Variants in CTNNA3 observed in about 807,000 individuals in gnomAD.
CTNNA3 encodes catenin alpha-3.
In CTNNA3, 76 loss-of-function variants were observed where a neutral mutation model predicts 95.7. The observed-to-expected ratio is 0.79, with a 90% confidence interval of 0.66 to 0.96. The LOEUF (loss-of-function observed/expected upper bound fraction) is 0.96, where lower values mean the gene tolerates loss of function less well. Ranked by LOEUF, CTNNA3 falls within the 40% of genes least tolerant of loss-of-function variation. The pLI is 0.00. For synonymous variants in CTNNA3, 431 were observed against 374.4 expected (o/e 1.15, Z -1.74); for missense variants, 1,191 against 1,089.8 (o/e 1.09, Z -1.31).
chr10:66,167,087 C>G (rs1183525153), intron 13 of CTNNA3, among the ~76,000 whole-genome samples: 1 of 151,988 alleles, frequency 6.6e-6, no homozygotes, highest in Non-Finnish European at 1.5e-5. Context: ...ATGCAATATG[C>G]CTTTCACAAA....
chr10:67,390,053 A>C (rs1027462120), intron 5 of CTNNA3, among the ~76,000 whole-genome samples: 1 of 152,184 alleles, frequency 6.6e-6, no homozygotes, highest in Admixed American at 6.5e-5. Flanking sequence ...AGAAATAACT[A>C]AAATCAGAGC....
At chr10:65,937,963 C>G in intron 17 of CTNNA3, among the ~76,000 whole-genome samples, 1 of 151,870 alleles carries the variant, frequency 6.6e-6, no homozygotes, top group Non-Finnish European at 1.5e-5. Context: ...TGTCCTATAT[C>G]CAAAAAAACT....
intron 5 of CTNNA3, among the ~76,000 whole-genome samples, chr10:67,358,779 G>A (rs1842902460): frequency 6.6e-6 from 1 of 152,200 alleles, no homozygotes; most frequent in Middle Eastern, 3.4e-3. Flanking sequence ...TCCCCCAAAA[G>A]AGAAGGAGGT....
At chr10:66,936,791 T>TA (rs1334165664) in intron 7 of CTNNA3, among the ~76,000 whole-genome samples, 3 of 152,150 alleles carry the variant, frequency 2.0e-5, no homozygotes, top group Admixed American at 6.6e-5. Context: ...CTTGGTTTCT[T>TA]ATGCGTTATC....
intron 7 of CTNNA3, among the ~76,000 whole-genome samples, chr10:67,107,938 T>G (rs1276035926): frequency 2.0e-5 from 3 of 152,214 alleles, no homozygotes; most frequent in African/African-American, 7.2e-5. Context: ...GGAGAGTCCC[T>G]GTTTCCCCCT....
rs1841614350 is a variant in CTNNA3 at position 66,535,323 on chromosome 10, G to A, written c.1375-14550C>T. On this transcript the variant is annotated intron_variant, in intron 10 of 17. Coordinates refer to ENST00000433211, the MANE Select transcript of CTNNA3 (RefSeq NM_013266.4). ...AGTGTTATTTATTTTGTTCAGGGCA[G>A]GTTGAGCTGTAACATGCCGTGTAAG... Among the ~76,000 whole-genome samples the A allele has an allele frequency of 2.0e-5, 3 of 152,288 alleles. No homozygotes were observed. In the South Asian group the frequency reaches 6.2e-4, roughly 32 times the overall value.
chr10:67,093,247 C>T (rs1857762903), intron 7 of CTNNA3, among the ~76,000 whole-genome samples: 1 of 151,818 alleles, frequency 6.6e-6, no homozygotes, highest in Admixed American at 6.6e-5. Context: ...CTTCCCTGAG[C>T]CTATTCCAAC....
intron 7 of CTNNA3, among the ~76,000 whole-genome samples, chr10:67,050,458 T>G (rs1855016984): frequency 6.6e-6 from 1 of 152,182 alleles, no homozygotes. Flanking sequence ...AAAAAAAAAG[T>G]ACCCATTCAG....
intron 6 of CTNNA3, among the ~76,000 whole-genome samples, chr10:67,207,761 A>T (rs76462591): frequency 0.03 from 4,621 of 152,290 alleles, 234 homozygotes; most frequent in African/African-American, 0.11. Context: ...AGTCTAACTG[A>T]AAAATATACA....
chr10:66,551,263 T>C (rs1842207116), intron 10 of CTNNA3, among the ~76,000 whole-genome samples: 1 of 152,162 alleles, frequency 6.6e-6, no homozygotes, highest in Non-Finnish European at 1.5e-5. Flanking sequence ...AGTTCTATTC[T>C]TTAAAATGTT....
intron 12 of CTNNA3, among the ~76,000 whole-genome samples, chr10:66,313,861 G>GGT (rs2092060734): frequency 6.6e-6 from 1 of 152,098 alleles, no homozygotes; most frequent in Non-Finnish European, 1.5e-5. Flanking sequence ...CTACAAGAAG[G>GGT]CAAATGGGTC....
At chr10:67,242,560 G>A (rs539206266) in intron 5 of CTNNA3, among the ~76,000 whole-genome samples, 14 of 152,278 alleles carry the variant, frequency 9.2e-5, no homozygotes, top group African/African-American at 2.2e-4. Flanking sequence ...TATCTGCCCC[G>A]ATTTAAACAC....
intron 7 of CTNNA3, chr10:66,837,575 T>C (rs138814045): frequency 3.3e-5 from 5 of 152,248 alleles, no homozygotes; most frequent in African/African-American, 9.6e-5. Context: ...GCATTTCCTA[T>C]TCAATTTTGG....
intron 5 of CTNNA3, among the ~76,000 whole-genome samples, chr10:67,474,876 T>A (rs897177342): frequency 6.6e-6 from 1 of 152,226 alleles, no homozygotes; most frequent in African/African-American, 2.4e-5. Context: ...CAATTTCTTA[T>A]AAAGTTAATT....
intron 10 of CTNNA3, among the ~76,000 whole-genome samples, chr10:66,609,672 A>G (rs1013183069): frequency 4.6e-5 from 7 of 152,096 alleles, no homozygotes; most frequent in Admixed American, 3.3e-4. Context: ...TATTTCAACC[A>G]TGTGGAAAAC....
chr10:66,100,526 G>A (rs1401301873), intron 14 of CTNNA3, among the ~76,000 whole-genome samples: 1 of 152,168 alleles, frequency 6.6e-6, no homozygotes, highest in East Asian at 1.9e-4. Flanking sequence ...ACAGTGGTGA[G>A]GTTTTCACCC....
At chr10:66,456,675 C>G (rs962056879) in intron 11 of CTNNA3, among the ~76,000 whole-genome samples, 6 of 151,822 alleles carry the variant, frequency 4.0e-5, no homozygotes, top group Non-Finnish European at 8.8e-5. Flanking sequence ...GACTCCATCT[C>G]AAAAAACAAA....
intron 15 of CTNNA3, among the ~76,000 whole-genome samples, chr10:66,033,780 G>C: frequency 6.6e-6 from 1 of 152,138 alleles, no homozygotes; most frequent in East Asian, 1.9e-4. Flanking sequence ...GACCCAACCA[G>C]ATGACATTTT....
intron 13 of CTNNA3, among the ~76,000 whole-genome samples, chr10:66,194,180 C>A (rs7904019): frequency 0.14 from 21,506 of 152,020 alleles, 2,497 homozygotes; most frequent in African/African-American, 0.32. Flanking sequence ...TAAAACAGCA[C>A]AAAAATAGCA....
Sources: gnomAD v4.1 joint callset for allele counts (sites outside exome capture counted in the v4.1 genomes callset) on GRCh38, gnomAD v4.1.1 for gene constraint, MANE v1.5 for transcripts, NCBI Gene and HGNC (gene_info 2026-07-23, HGNC 2026-07-21) for gene names.